ERI3: variants seen among roughly 807,000 people sequenced by gnomAD.
ERI3 encodes ERI1 exoribonuclease family member 3, also known as ERI1 exoribonuclease 3.
Under a neutral mutation model 44.4 loss-of-function variants are expected in ERI3, and 18 were observed. The observed-to-expected ratio is 0.41, with a 90% CI of 0.28 to 0.60. The LOEUF is 0.60. Among genes scored for constraint, ERI3 ranks in the 20% least tolerant of loss-of-function variants. The pLI, the probability that ERI3 is intolerant of heterozygous loss-of-function variation, is 0.36. For synonymous variants in ERI3, 183 were observed against 164.8 expected (o/e 1.11, Z -0.84); for missense variants, 294 against 435.5 (o/e 0.68, Z 2.89).
chr1:44,335,819 G>C, intron 3 of ERI3, among the ~76,000 whole-genome samples: 1 of 151,600 alleles, frequency 6.6e-6, no homozygotes, highest in South Asian at 2.1e-4. Flanking sequence ...CTGTCAAATG[G>C]ACAGCCATCA....
chr1:44,289,127 G>A (rs145553830), intron 6 of ERI3, among the ~76,000 whole-genome samples: 3 of 152,284 alleles, frequency 2.0e-5, no homozygotes, highest in Non-Finnish European at 4.4e-5. Context: ...TATGAGGGCC[G>A]GAATGACATC....
chr1:44,249,805 C>A (rs886342211), intron 7 of ERI3, among the ~76,000 whole-genome samples: 2 of 152,194 alleles, frequency 1.3e-5, no homozygotes, highest in Non-Finnish European at 2.9e-5. Context: ...GGCTGGAGCG[C>A]AGTGGGCCAG....
Position 44,221,767 on chromosome 1 carries a change from TC to T in ERI3, c.932-128del. 1.4e-6 allele frequency: 1 copy of T among 711,462 alleles called. No individual in the cohort carries two copies. The highest frequency in any genetic ancestry group is 2.4e-6 in the Non-Finnish European group (1 of 408,792). 44.1% of individuals were successfully genotyped at this position (711,462 alleles called of 1,614,324 possible). On this transcript the variant is annotated intron_variant, in intron 8 of 8. Coordinates refer to ENST00000372257, the MANE Select transcript of ERI3 (RefSeq NM_024066.3). This position sits in a 1 kb window ranked among gnomAD's most constrained non-coding sequence, Gnocchi z 5.9. ...GAGACACAGGCTTTAGAGAGGGTGG[TC>T]CCATCCCCTGGTGGCAGCATTCCTA... is the stretch of plus-strand genomic sequence containing the variant.
At chr1:44,336,073 T>C (rs941715868) in intron 3 of ERI3, among the ~76,000 whole-genome samples, 7 of 152,216 alleles carry the variant, frequency 4.6e-5, no homozygotes, top group Non-Finnish European at 7.3e-5. Context: ...ACCAAAACTA[T>C]AATCAATTTA....
At chr1:44,350,643 C>A (rs763691292) in intron 2 of ERI3, among the ~76,000 whole-genome samples, 1 of 152,084 alleles carries the variant, frequency 6.6e-6, no homozygotes, top group Non-Finnish European at 1.5e-5. Flanking sequence ...CCAACAAATT[C>A]TTTGGTAGAC....
chr1:44,333,066 C>T (rs748997504), intron 3 of ERI3, among the ~76,000 whole-genome samples: 1 of 152,212 alleles, frequency 6.6e-6, no homozygotes, highest in Non-Finnish European at 1.5e-5. Flanking sequence ...TACAAGAACA[C>T]TTACAGCTCA....
chr1:44,253,278 T>C (rs1180268882), intron 7 of ERI3, among the ~76,000 whole-genome samples: 1 of 152,216 alleles, frequency 6.6e-6, no homozygotes, highest in Non-Finnish European at 1.5e-5. Context: ...ATTAGCACTA[T>C]AACTTTGGAT....
At chr1:44,342,831 A>ATATATATATATG (rs1646692522) in intron 2 of ERI3, among the ~76,000 whole-genome samples, 1 of 18,378 alleles carries the variant, frequency 5.4e-5, no homozygotes, top group Non-Finnish European at 9.6e-5. Flanking sequence ...ATATATATAT[A>ATATATATATATG]TATATATATA....
chr1:44,248,102 G>C, intron 7 of ERI3, 64 bp from the exon 8 acceptor site: 1 of 1,120,938 alleles, frequency 8.9e-7, no homozygotes, highest in Non-Finnish European at 1.3e-6. Flanking sequence ...CCACTCACAA[G>C]GTCTTCCCCC....
intron 8 of ERI3, among the ~76,000 whole-genome samples, chr1:44,225,805 G>A (rs1465310682): frequency 2.0e-5 from 3 of 152,196 alleles, no homozygotes; most frequent in Non-Finnish European, 4.4e-5. Flanking sequence ...CAGGGCCTGG[G>A]CTAGGGAGAC....
intron 7 of ERI3, chr1:44,283,999 G>A (rs1231426565): frequency 4.2e-6 from 2 of 470,718 alleles, no homozygotes; most frequent in Non-Finnish European, 8.8e-6. Context: ...GACCCCCGGT[G>A]TGTTCTCCTT....
intron 8 of ERI3, among the ~76,000 whole-genome samples, chr1:44,242,235 T>C (rs2154317531): frequency 6.6e-6 from 1 of 152,084 alleles, no homozygotes; most frequent in African/African-American, 2.4e-5. Flanking sequence ...CTGGGCTGAC[T>C]CCTCCCCTCC....
chr1:44,330,901 T>G (rs981366838), intron 3 of ERI3, among the ~76,000 whole-genome samples: 7 of 152,178 alleles, frequency 4.6e-5, no homozygotes, highest in African/African-American at 1.7e-4. Context: ...AGTTTCCTCA[T>G]GTCAAACAAT....
At chr1:44,301,854 T>C (rs1467707960) in intron 6 of ERI3, among the ~76,000 whole-genome samples, 1 of 152,236 alleles carries the variant, frequency 6.6e-6, no homozygotes, top group Non-Finnish European at 1.5e-5. Context: ...GCTAGCCACA[T>C]AGGTGGTTGT....
chr1:44,236,713 G>A (rs1644313531), intron 8 of ERI3, among the ~76,000 whole-genome samples: 1 of 152,066 alleles, frequency 6.6e-6, no homozygotes, highest in South Asian at 2.1e-4. Flanking sequence ...GGCAGCAGAG[G>A]ACAGAGGCTG....
chr1:44,224,766 T>C (rs1360617198), intron 8 of ERI3, among the ~76,000 whole-genome samples: 1 of 152,178 alleles, frequency 6.6e-6, no homozygotes, highest in Middle Eastern at 3.2e-3. Flanking sequence ...CTTCAGATCC[T>C]GTTTACTGGG....
In ERI3 at chr1:44,302,703, G is replaced by A. The variant is rs554288071; in HGVS notation, c.758+5607C>T. ...ATCAAATGAGGAACCAACAGCCCACGGTGTCAGAAAACATCCTGAGGCTCT... is the reference window on the plus strand; with the variant it reads ...ATCAAATGAGGAACCAACAGCCCACAGTGTCAGAAAACATCCTGAGGCTCT... On this transcript the variant is annotated intron_variant, in intron 6 of 8. Coordinates refer to ENST00000372257, the MANE Select transcript of ERI3 (RefSeq NM_024066.3). Among the ~76,000 whole-genome samples, 5 of 152,250 alleles carry A rather than the reference G, an allele frequency of 3.3e-5. No homozygotes were observed. In the East Asian group the frequency reaches 5.8e-4, roughly 18 times the overall value.
intron 2 of ERI3, among the ~76,000 whole-genome samples, chr1:44,341,556 G>A (rs577894586): frequency 3.3e-5 from 5 of 152,250 alleles, no homozygotes; most frequent in African/African-American, 1.2e-4. Flanking sequence ...CCTCTTGCCT[G>A]CAGGCCTTGC....
At position 44,352,405 on chromosome 1, in the gene ERI3, C is replaced by CATAG. The variant is rs71742610; in HGVS notation, c.211+441_211+444dup. Among the ~76,000 whole-genome samples the CATAG allele has an allele frequency of 3.6e-3, 528 of 147,558 alleles. 3 individuals carry two copies. Among genetic ancestry groups the CATAG allele is most frequent in the East Asian group, 7.9e-3 (39 of 4,906 alleles). Reference sequence around the variant, plus strand: ...CAGCATGGGCAACCTAGCAAGGTCTCATAGATAGATAGATAGATAGATAGA... The same window carrying CATAG: ...CAGCATGGGCAACCTAGCAAGGTCTCATAGATAGATAGATAGATAGATAGATAGA... On this transcript the variant is annotated intron_variant, in intron 2 of 8. Coordinates refer to ENST00000372257, the MANE Select transcript of ERI3 (RefSeq NM_024066.3).
Sources: allele counts gnomAD v4.1 joint callset (sites outside exome capture counted in the v4.1 genomes callset), GRCh38; gene constraint gnomAD v4.1.1; non-coding constraint Gnocchi (gnomAD v3.1); transcripts MANE v1.5; gene names NCBI Gene and HGNC (gene_info 2026-07-23, HGNC 2026-07-21).